Variants in SPECC1L observed in about 807,000 individuals in gnomAD.
SPECC1L encodes cytospin-A.
A neutral mutation model predicts 116.8 loss-of-function variants in SPECC1L; 40 were observed. That is an observed-to-expected ratio of 0.34 (90% CI 0.27 to 0.45). SPECC1L has a LOEUF of 0.45. SPECC1L is among the 20% of genes least tolerant of loss of function. The pLI is 1.00. For missense variants in SPECC1L, 1,110 were observed against 1,373.6 expected (o/e 0.81, Z 3.03); for synonymous variants, 504 against 500.6 (o/e 1.01, Z -0.09).
At chr22:24,410,314 G>A (rs140219709) in intron 14 of SPECC1L, among the ~76,000 whole-genome samples, 2,159 of 152,306 alleles carry the variant, frequency 0.014, 18 homozygotes, top group Non-Finnish European at 0.021. Flanking sequence ...GACCACAGGC[G>A]CATGCCTGGC....
intron 4 of SPECC1L, among the ~76,000 whole-genome samples, chr22:24,315,982 C>T (rs1342838336): frequency 6.6e-6 from 1 of 152,166 alleles, no homozygotes; most frequent in Admixed American, 6.5e-5. Flanking sequence ...CGTTAATTAC[C>T]TCTTTAACTT....
intron 4 of SPECC1L, among the ~76,000 whole-genome samples, chr22:24,318,458 C>T (rs947415137): frequency 3.9e-5 from 6 of 152,040 alleles, no homozygotes; most frequent in South Asian, 4.1e-4. Context: ...TGCAGTGAGC[C>T]GAGATGGCAG....
chr22:24,390,855 T>TTTTTTTTTTTTTC (rs1190077284), intron 14 of SPECC1L, among the ~76,000 whole-genome samples: 8 of 110,322 alleles, frequency 7.3e-5, no homozygotes, highest in African/African-American at 1.4e-4. Context: ...TGTGTTCCTT[T>TTTTTTTTTTTTTC]TTTTTTTTTT....
At position 24,347,176 on chromosome 22, in the gene SPECC1L, G is replaced by C; in HGVS notation, c.2743G>C (p.Glu915Gln). Residue 915 changes from glutamate (E) to glutamine (Q), a missense_variant and splice_region_variant, in exon 11 of 17, where the codon GAG becomes CAG. Physicochemically the swap from Glu to Gln is conservative, Grantham distance 29. Transcript: ENST00000314328. Reference protein sequence around the residue: ...RPNYGEIPVQEHLLRTSSASR... With the variant: ...RPNYGEIPVQQHLLRTSSASR... ...AAACTATGGGGAAATCCCTGTTCAA[G>C]GTACGTGTAATATGCCATAGCATTT... 7 of 1,611,112 alleles carry C rather than the reference G, an allele frequency of 4.3e-6. No individual in the cohort carries two copies. The highest frequency in any genetic ancestry group is 5.9e-6 in the Non-Finnish European group (7 of 1,177,440).
intron 10 of SPECC1L, among the ~76,000 whole-genome samples, 172 bp from the exon 11 acceptor site, chr22:24,346,913 TA>T (rs1295699604): frequency 1.3e-5 from 2 of 152,150 alleles, no homozygotes; most frequent in Non-Finnish European, 2.9e-5. Context: ...GTCTAATTTT[TA>T]AAAAAAGTAT....
At chr22:24,323,741 T>C (rs191148558) in intron 5 of SPECC1L, among the ~76,000 whole-genome samples, 1 of 152,208 alleles carries the variant, frequency 6.6e-6, no homozygotes, top group Admixed American at 6.5e-5. Context: ...AGTTACAGTT[T>C]AGGAGATTTG....
intron 11 of SPECC1L, among the ~76,000 whole-genome samples, chr22:24,361,197 A>G (rs2041635770): frequency 1.3e-5 from 2 of 152,126 alleles, no homozygotes; most frequent in Non-Finnish European, 2.9e-5. Flanking sequence ...TAGGAGTTCA[A>G]GATTAGCCTG....
chr22:24,350,711 G>A (rs577275052), intron 11 of SPECC1L, among the ~76,000 whole-genome samples: 4 of 152,246 alleles, frequency 2.6e-5, no homozygotes, highest in Non-Finnish European at 4.4e-5. Flanking sequence ...ATTCAGGAAC[G>A]TTTCCACTCT....
chr22:24,328,589 T>C (rs2040875315), intron 6 of SPECC1L, among the ~76,000 whole-genome samples: 2 of 152,218 alleles, frequency 1.3e-5, no homozygotes, highest in African/African-American at 2.4e-5. Flanking sequence ...GTTTTACTTT[T>C]TGTTTCAAAA....
At position 24,414,464 on chromosome 22, in the gene SPECC1L, A is replaced by G. The variant is rs577591205; in HGVS notation, c.3265-70A>G. 205 of 1,281,728 alleles carry G rather than the reference A, an allele frequency of 1.6e-4. 1 individual carries two copies. The South Asian group carries it at 2.2e-3, about 14-fold the overall frequency. 79.4% of individuals were successfully genotyped at this position (1,281,728 alleles called of 1,614,324 possible). On this transcript the variant is annotated intron_variant, in intron 16 of 16. Transcript: ENST00000314328. ...TCCAACTCCAAGAGCCCATGTTGCT[A>G]TGGCAGAGCCCATTGGCACAGCCTG...
At chr22:24,412,871 G>A (rs1341847677) in intron 16 of SPECC1L, among the ~76,000 whole-genome samples, 164 bp downstream of exon 16, 2 of 152,004 alleles carry the variant, frequency 1.3e-5, no homozygotes, top group African/African-American at 2.4e-5. Flanking sequence ...TCAAGGGTGG[G>A]TGCAGATGTG....
At chr22:24,346,213 G>C (rs1237027720) in intron 10 of SPECC1L, among the ~76,000 whole-genome samples, 1 of 152,106 alleles carries the variant, frequency 6.6e-6, no homozygotes, top group East Asian at 1.9e-4. Flanking sequence ...CCACTATATT[G>C]GCCAGGCTGG....
At position 24,338,492 on chromosome 22, in the gene SPECC1L, C is replaced by T. The variant is rs540978928; in HGVS notation, c.2652+15C>T. 3.1e-6 allele frequency: 5 copies of T among 1,611,250 alleles called. No homozygotes were observed. The African/African-American group carries it at 6.7e-5, about 21-fold the overall frequency. On this transcript the variant is annotated intron_variant, in intron 10 of 16. Transcript: ENST00000314328. Reference sequence around the variant, plus strand: ...CCCCTATGCAGGTGAGTGCCTGGAACCACAGGAGGCTCTTAGAGCCTCAGA... The same window carrying T: ...CCCCTATGCAGGTGAGTGCCTGGAATCACAGGAGGCTCTTAGAGCCTCAGA...
chr22:24,333,576 T>C (rs1382864451), intron 8 of SPECC1L, among the ~76,000 whole-genome samples: 3 of 151,938 alleles, frequency 2.0e-5, no homozygotes, highest in East Asian at 3.9e-4. Context: ...TTTTTTTCTT[T>C]GTAGAATTCT....
At chr22:24,314,259 C>T (rs1057358476) in intron 4 of SPECC1L, among the ~76,000 whole-genome samples, 4 of 152,008 alleles carry the variant, frequency 2.6e-5, no homozygotes, top group African/African-American at 9.7e-5. Flanking sequence ...CCGTGTTAGC[C>T]AGGATGGTCT....
At chr22:24,354,559 C>T (rs1249118879) in intron 11 of SPECC1L, among the ~76,000 whole-genome samples, 1 of 152,254 alleles carries the variant, frequency 6.6e-6, no homozygotes, top group East Asian at 1.9e-4. Flanking sequence ...AATGCACCTT[C>T]CCTCCACCCC....
rs199964094 is a variant in SPECC1L, at chr22:24,322,075, A to G, written c.1095A>G (p.Ala365=). Reference sequence around the variant, plus strand: ...CATCGAGCGATGATGCGCTGGATGCACCATCCTCCTCAGAGTCGGAAGGCA... The same window carrying G: ...CATCGAGCGATGATGCGCTGGATGCGCCATCCTCCTCAGAGTCGGAAGGCA... The part of the protein sequence containing the change: ...PLTSSDDALD[A]PSSSESEGIP... The change falls in exon 5 of 17, where the codon GCA becomes GCG. Residue 365 remains alanine (A), a synonymous_variant. Coordinates refer to ENST00000314328, the MANE Select transcript of SPECC1L (RefSeq NM_015330.6). The G allele has an allele frequency of 1.9e-6, 3 of 1,614,168 alleles. No homozygotes were observed. The highest frequency in any genetic ancestry group is 2.5e-6 in the Non-Finnish European group (3 of 1,180,032).
chr22:24,396,081 A>G (rs1252482772), intron 14 of SPECC1L, among the ~76,000 whole-genome samples: 1 of 152,220 alleles, frequency 6.6e-6, no homozygotes, highest in Non-Finnish European at 1.5e-5. Context: ...TTGGGTTTAT[A>G]GCTCCTGCAG....
At chr22:24,343,134 C>T (rs912198950) in intron 10 of SPECC1L, among the ~76,000 whole-genome samples, 1 of 152,048 alleles carries the variant, frequency 6.6e-6, no homozygotes, top group African/African-American at 2.4e-5. Context: ...GCAGAGGTTG[C>T]AGTGAGCTGA....
Sources: gnomAD v4.1 joint callset for allele counts (sites outside exome capture counted in the v4.1 genomes callset) on GRCh38, gnomAD v4.1.1 for gene constraint, MANE v1.5 for transcripts, NCBI Gene and HGNC (gene_info 2026-07-23, HGNC 2026-07-21) for gene names.